FBXL7: variants seen among roughly 807,000 people sequenced by gnomAD.
The protein encoded by FBXL7 is F-box and leucine rich repeat protein 7.
Under a neutral mutation model 38.3 loss-of-function variants are expected in FBXL7, and 12 were observed. The observed-to-expected ratio is 0.31, with a 90% confidence interval of 0.20 to 0.51. The LOEUF (loss-of-function observed/expected upper bound fraction) is 0.51. Among genes scored for constraint, FBXL7 ranks in the 20% least tolerant of loss-of-function variants. The probability of loss-of-function intolerance (pLI) is 0.98; values close to 1 mark genes in which losing one functional copy is unlikely to be tolerated. For synonymous variants in FBXL7, 297 were observed against 300.9 expected (o/e 0.99, Z 0.13); for missense variants, 567 against 676.4 (o/e 0.84, Z 1.79).
chr5:15,570,905 C>A (rs1738757419), intron 1 of FBXL7, among the ~76,000 whole-genome samples: 1 of 151,990 alleles, frequency 6.6e-6, no homozygotes, highest in South Asian at 2.1e-4. Flanking sequence ...CCAGGCTGAC[C>A]AACATGGAGA....
chr5:15,897,538 T>C (rs1182000952), intron 2 of FBXL7, among the ~76,000 whole-genome samples: 1 of 152,184 alleles, frequency 6.6e-6, no homozygotes, highest in African/African-American at 2.4e-5. Context: ...GGAAATACTT[T>C]ATGAAGAAGA....
At chr5:15,670,332 T>C (rs1305702536) in intron 2 of FBXL7, among the ~76,000 whole-genome samples, 1 of 151,894 alleles carries the variant, frequency 6.6e-6, no homozygotes, top group African/African-American at 2.4e-5. Context: ...CTCTCTATTG[T>C]TTAAAATTAA....
At chr5:15,501,053 G>T (rs1254951708) in intron 1 of FBXL7, among the ~76,000 whole-genome samples, 3 of 152,192 alleles carry the variant, frequency 2.0e-5, no homozygotes, top group Non-Finnish European at 2.9e-5. Context: ...GATGGCGGAA[G>T]ACGTTTTTGA....
chr5:15,852,210 C>T (rs1404051696), intron 2 of FBXL7, among the ~76,000 whole-genome samples: 1 of 152,170 alleles, frequency 6.6e-6, no homozygotes, highest in African/African-American at 2.4e-5. Context: ...TCTGATCATA[C>T]AAAATAAAGA....
At chr5:15,534,259 C>T (rs555922671) in intron 1 of FBXL7, among the ~76,000 whole-genome samples, 10 of 152,302 alleles carry the variant, frequency 6.6e-5, no homozygotes, top group African/African-American at 2.4e-4. Context: ...TGTATAGTGA[C>T]ATGAATCTAC....
chr5:15,903,282 A>G (rs1741275947), intron 2 of FBXL7, among the ~76,000 whole-genome samples: 1 of 152,150 alleles, frequency 6.6e-6, no homozygotes, highest in Non-Finnish European at 1.5e-5. Context: ...ACTCTAATTC[A>G]GGGGTTGGGA....
chr5:15,529,698 CTTACACTTTTTT>C (rs1737365070), intron 1 of FBXL7, among the ~76,000 whole-genome samples: 1 of 152,132 alleles, frequency 6.6e-6, no homozygotes. Context: ...AACCTAACTT[CTTACACTTTTTT>C]AAAGGCATAG....
intron 1 of FBXL7, among the ~76,000 whole-genome samples, chr5:15,604,500 G>A (rs74351052): frequency 5.9e-5 from 9 of 152,050 alleles, no homozygotes; most frequent in East Asian, 1.9e-4. Flanking sequence ...GACTACAGGC[G>A]TGTGCCACCA....
chr5:15,803,600 C>G (rs1374539886), intron 2 of FBXL7, among the ~76,000 whole-genome samples: 1 of 151,088 alleles, frequency 6.6e-6, no homozygotes, highest in Admixed American at 6.6e-5. Flanking sequence ...CTCTTTCTCT[C>G]TGCATTCCTT....
intron 2 of FBXL7, among the ~76,000 whole-genome samples, chr5:15,791,180 A>G (rs1201068249): frequency 3.3e-5 from 5 of 152,128 alleles, no homozygotes; most frequent in African/African-American, 4.8e-5. Flanking sequence ...GACTTATGTT[A>G]AACCTGAGCA....
At chr5:15,872,670 A>T (rs1477026478) in intron 2 of FBXL7, among the ~76,000 whole-genome samples, 1 of 152,218 alleles carries the variant, frequency 6.6e-6, no homozygotes, top group African/African-American at 2.4e-5. Context: ...ACCAACAAAG[A>T]TCAAAAAAGA....
At chr5:15,633,849 C>T (rs1260914113) in intron 2 of FBXL7, among the ~76,000 whole-genome samples, 6 of 151,490 alleles carry the variant, frequency 4.0e-5, no homozygotes, top group Admixed American at 6.6e-5. Context: ...GGCACGATCT[C>T]GGCTCACTAC....
intron 2 of FBXL7, among the ~76,000 whole-genome samples, chr5:15,768,338 T>G (rs1037601778): frequency 6.6e-6 from 1 of 152,076 alleles, no homozygotes; most frequent in African/African-American, 2.4e-5. Context: ...GAGACCATCC[T>G]GGCTAACACG....
chr5:15,797,782 TA>T (rs1247457117), intron 2 of FBXL7, among the ~76,000 whole-genome samples: 1 of 150,398 alleles, frequency 6.6e-6, no homozygotes, highest in Non-Finnish European at 1.5e-5. Flanking sequence ...CAGATTTCAG[TA>T]ATAGCCTACA....
chr5:15,598,719 G>A (rs1191432108), intron 1 of FBXL7, among the ~76,000 whole-genome samples: 4 of 152,142 alleles, frequency 2.6e-5, no homozygotes, highest in South Asian at 2.1e-4. Flanking sequence ...AAGAGAGCAC[G>A]CATCTCTTTC....
At chr5:15,929,521 G>C (rs917737939) in intron 3 of FBXL7, among the ~76,000 whole-genome samples, 3 of 151,936 alleles carry the variant, frequency 2.0e-5, no homozygotes, top group African/African-American at 7.3e-5. Context: ...TCTACTCAGA[G>C]GCTGAGGCAG....
At chr5:15,743,490 C>T (rs1735941303) in intron 2 of FBXL7, among the ~76,000 whole-genome samples, 1 of 152,212 alleles carries the variant, frequency 6.6e-6, no homozygotes, top group African/African-American at 2.4e-5. Context: ...GTGGCTCCCA[C>T]CATCTTGCAC....
intron 2 of FBXL7, among the ~76,000 whole-genome samples, chr5:15,863,534 C>T (rs1739571623): frequency 6.6e-6 from 1 of 152,194 alleles, no homozygotes. Context: ...TGACAAAATT[C>T]CTTTTACTGT....
chr5:15,635,485 T>C (rs1041263865), intron 2 of FBXL7, among the ~76,000 whole-genome samples: 1 of 152,146 alleles, frequency 6.6e-6, no homozygotes, highest in African/African-American at 2.4e-5. Context: ...AGAGTGACCC[T>C]GATTTCAGGG....
Sources: allele counts gnomAD v4.1 joint callset (sites outside exome capture counted in the v4.1 genomes callset), GRCh38; gene constraint gnomAD v4.1.1; transcripts MANE v1.5; gene names NCBI Gene and HGNC (gene_info 2026-07-23, HGNC 2026-07-21).